Variants in ITPR3 observed in about 807,000 individuals in gnomAD.
ITPR3 encodes inositol 1,4,5-trisphosphate-gated calcium channel ITPR3.
In ITPR3, 173 loss-of-function variants were observed where a neutral mutation model predicts 293.2. That is an observed-to-expected ratio of 0.59 (90% CI 0.52 to 0.67). The LOEUF (loss-of-function observed/expected upper bound fraction) is 0.67, where lower values mean the gene tolerates loss of function less well. ITPR3 is among the 30% of genes least tolerant of loss of function. The pLI is 0.00. For synonymous variants in ITPR3, 1,295 were observed against 1,444.4 expected, an observed-to-expected ratio of 0.90 and a Z score of 2.35; for missense variants, 2,796 against 3,592.1, an observed-to-expected ratio of 0.78 and a Z score of 5.66.
chr6:33,680,991 T>C (rs1765060912), intron 33 of ITPR3, among the ~76,000 whole-genome samples: 1 of 151,996 alleles, frequency 6.6e-6, no homozygotes, highest in African/African-American at 2.4e-5. Context: ...CAGCTAATTT[T>C]TGCATTTTTA....
chr6:33,693,289 T>TC (rs2127324460), intron 55 of ITPR3, among the ~76,000 whole-genome samples: 1 of 152,314 alleles, frequency 6.6e-6, no homozygotes, highest in South Asian at 2.1e-4. Context: ...TCCCCTGAGT[T>TC]CGAGAAATTC....
In ITPR3 at chr6:33,668,626, C is replaced by T. The variant is rs755375517; in HGVS notation, c.1998C>T (p.Ile666=). Residue 666 remains isoleucine (I), a synonymous_variant, in exon 17 of 58, where the codon ATC becomes ATT. Coordinates refer to ENST00000605930, the MANE Select transcript of ITPR3 (RefSeq NM_002224.4). Reference sequence around the variant, plus strand: ...ACCCCAAGAACAGTGACATTCTCATCCGGACCGAGTGAGCCCTGTGCCCCC... The same window carrying T: ...ACCCCAAGAACAGTGACATTCTCATTCGGACCGAGTGAGCCCTGTGCCCCC... The part of the protein sequence containing the change: ...VLDPKNSDIL[I]RTELRPVKEM... 1 of 1,614,218 alleles carries T rather than the reference C, an allele frequency of 6.2e-7. No homozygotes were observed. Among genetic ancestry groups the T allele is most frequent in the South Asian group, 1.1e-5 (1 of 91,086 alleles).
rs1765181372 is a variant in ITPR3 at position 33,684,836 on chromosome 6, A to G, written c.5200A>G (p.Thr1734Ala). Residue 1734 changes from threonine to alanine, a missense_variant, in exon 39 of 58, where the codon ACC becomes GCC. Physicochemically the swap from Thr to Ala is moderately conservative, Grantham distance 58 (BLOSUM62 0). Coordinates refer to ENST00000605930, the MANE Select transcript of ITPR3 (RefSeq NM_002224.4). This position sits in a 1 kb window ranked among gnomAD's most constrained non-coding sequence, Gnocchi z 4.2. ...GTGCCGGCTGGACAAGGAGGGGGCC[A>G]CCAAGTTGGTATGCGACCTCATCAC... ...TQCRLDKEGA[T>A]KLVCDLITST... The G allele has an allele frequency of 6.2e-7, 1 of 1,613,920 alleles. No homozygotes were observed.
In ITPR3 at chr6:33,683,572, CA is replaced by C. The variant is rs1765140762; in HGVS notation, c.4788+177del. Among the ~76,000 whole-genome samples the C allele has an allele frequency of 1.3e-5, 2 of 152,160 alleles. No homozygotes were observed. Among genetic ancestry groups the C allele is most frequent in the Non-Finnish European group, 2.9e-5 (2 of 68,010 alleles). On this transcript the variant is annotated intron_variant, in intron 35 of 57. Coordinates refer to ENST00000605930, the MANE Select transcript of ITPR3 (RefSeq NM_002224.4). The surrounding 1 kb of genome is among the most constrained non-coding windows in gnomAD (Gnocchi z 4.5). Reference sequence around the variant, plus strand: ...GGGCTGCTAAGGGCCGACCCAGCAGCAAGGGACTGGGGAACCTCCTTCCAGA... The same window carrying C: ...GGGCTGCTAAGGGCCGACCCAGCAGCAGGGACTGGGGAACCTCCTTCCAGA...
rs1021122750 is a variant in ITPR3, at chr6:33,687,958, T to C, written c.6265-99T>C. On this transcript the variant is annotated intron_variant, in intron 46 of 57. Coordinates refer to ENST00000605930, the MANE Select transcript of ITPR3 (RefSeq NM_002224.4). The surrounding 1 kb of genome is among the most constrained non-coding windows in gnomAD (Gnocchi z 5.3). ...GGCTTGGCGGGGACACTCGCTGAAG[T>C]GTAGTTCAGAGCTAGGCGAAGGCCT... 7 of 913,516 alleles carry C rather than the reference T, an allele frequency of 7.7e-6. No individual in the cohort carries two copies. The African/African-American group carries it at 1.2e-4, about 15-fold the overall frequency. The allele number at this position is 913,516 out of a possible 1,614,324, so 56.6% of individuals were successfully genotyped here.
intron 2 of ITPR3, among the ~76,000 whole-genome samples, chr6:33,650,153 CCTT>C (rs1342359739): frequency 3.3e-5 from 5 of 152,218 alleles, no homozygotes; most frequent in Admixed American, 1.3e-4. Flanking sequence ...CATCCACCCT[CCTT>C]CTCTCTGCCC....
chr6:33,626,969 C>T (rs1224099388), intron 1 of ITPR3, among the ~76,000 whole-genome samples: 3 of 152,186 alleles, frequency 2.0e-5, no homozygotes, highest in Admixed American at 6.5e-5. Context: ...CCACGCCCGG[C>T]TAATTTTTTT....
Position 33,670,721 on chromosome 6 carries a change from C to T in ITPR3, c.2492C>T (p.Ala831Val). Reference sequence around the variant, plus strand: ...CGAGATGACAAGAAGAACAAGTTTGCCAACACCATGGAGTTCGTGGAGGAC... The same window carrying T: ...CGAGATGACAAGAAGAACAAGTTTGTCAACACCATGGAGTTCGTGGAGGAC... ...ASRDDKKNKF[A>V]NTMEFVEDYL... The change falls in exon 20 of 58, where the codon GCC becomes GTC. Residue 831 changes from alanine to valine, a missense_variant. Coordinates refer to ENST00000605930, the MANE Select transcript of ITPR3 (RefSeq NM_002224.4). This position sits in a 1 kb window ranked among gnomAD's most constrained non-coding sequence, Gnocchi z 6.7. 6.2e-7 allele frequency: 1 copy of T among 1,614,138 alleles called. No individual in the cohort carries two copies. Among genetic ancestry groups the T allele is most frequent in the Non-Finnish European group, 8.5e-7 (1 of 1,180,028 alleles).
At position 33,680,390 on chromosome 6, in the gene ITPR3, AGGAGATCT is replaced by A; in HGVS notation, c.4287_4294del (p.Glu1430HisfsTer10). ...TACGTGGACACGGAGGTGGAGATGA[AGGAGATCT>A]ACACCAGCAACCACATCTGGACGCT... On this transcript the variant is annotated frameshift_variant, in exon 32 of 58. Coordinates refer to ENST00000605930, the MANE Select transcript of ITPR3 (RefSeq NM_002224.4). LOFTEE classifies it high-confidence loss of function. 1 of 1,456,052 alleles carries A rather than the reference AGGAGATCT, an allele frequency of 6.9e-7. No homozygotes were observed. The highest frequency in any genetic ancestry group is 9.1e-7 in the Non-Finnish European group (1 of 1,099,608). The allele number at this position is 1,456,052 out of a possible 1,614,324, so 90.2% of individuals were successfully genotyped here. A position where few individuals can be genotyped will look rare whatever the true frequency, so the allele number is the denominator to read the frequency against.
chr6:33,659,588 C>A, intron 7 of ITPR3, 39 bp downstream of exon 7: 1 of 1,548,738 alleles, frequency 6.5e-7, no homozygotes, highest in Non-Finnish European at 8.9e-7. Context: ...AGCTGGCCAC[C>A]TAGCCCTCCC....
intron 11 of ITPR3, 40 bp downstream of exon 11, chr6:33,663,920 C>T (rs1181253906): frequency 6.2e-7 from 1 of 1,609,642 alleles, no homozygotes; most frequent in Middle Eastern, 1.7e-4. Context: ...ACTGGTGGTG[C>T]TCAGGGTGGG....
At chr6:33,686,656 G>A in intron 43 of ITPR3, 137 bp downstream of exon 43, 5 of 716,618 alleles carry the variant, frequency 7.0e-6, no homozygotes, top group South Asian at 6.4e-5. Flanking sequence ...TCATCTGGAT[G>A]CACAAGTGTG....
In ITPR3 at chr6:33,682,508, C is replaced by T; in HGVS notation, c.4477-16C>T. 6.7e-7 allele frequency: 1 copy of T among 1,502,890 alleles called. No homozygotes were observed. 93.1% of individuals were successfully genotyped at this position (1,502,890 alleles called of 1,614,324 possible). On this transcript the variant is annotated splice_polypyrimidine_tract_variant and intron_variant, in intron 33 of 57. Transcript: ENST00000605930. This position sits in a 1 kb window ranked among gnomAD's most constrained non-coding sequence, Gnocchi z 5.4. ...GGGGCCTGGGCTGCAGCAGCGGGCT[C>T]TGTGACTTCTTGCAGACACACCAGA...
intron 2 of ITPR3, among the ~76,000 whole-genome samples, chr6:33,651,425 A>T (rs1354651863): frequency 3.3e-5 from 5 of 152,092 alleles, no homozygotes; most frequent in Non-Finnish European, 5.9e-5. Context: ...GGGTTACTTG[A>T]ACCATCTGGG....
intron 33 of ITPR3, among the ~76,000 whole-genome samples, chr6:33,681,885 T>C (rs923237009): frequency 6.6e-6 from 1 of 151,734 alleles, no homozygotes; most frequent in African/African-American, 2.4e-5. Flanking sequence ...CAAAGTGTTA[T>C]GTTTTTTTTT....
Position 33,658,374 on chromosome 6 carries a change from A to G in ITPR3, c.370-296A>G, listed in dbSNP as rs527609237. Among the ~76,000 whole-genome samples, 1 of 152,302 alleles carries G rather than the reference A, an allele frequency of 6.6e-6. No homozygotes were observed. Among genetic ancestry groups the G allele is most frequent in the South Asian group, 2.1e-4 (1 of 4,830 alleles). On this transcript the variant is annotated intron_variant, in intron 4 of 57. Transcript: ENST00000605930. This position sits in a 1 kb window ranked among gnomAD's most constrained non-coding sequence, Gnocchi z 6.1. ...TCCCCATCTGTGAAATCAGGCAGTA[A>G]TAGTACTTCCCTCTTGGATCGTTGT...
chr6:33,679,221 C>A lies in ITPR3; in HGVS notation c.3972+382C>A, dbSNP rs1765000484. ...AGTGTCAGCTCCTGGGGGGCACGGG[C>A]AGGGACCCCATCCTTTGTGTGCATC... is the stretch of plus-strand genomic sequence containing the variant. On this transcript the variant is annotated intron_variant, in intron 30 of 57. Transcript: ENST00000605930. The surrounding 1 kb of genome is among the most constrained non-coding windows in gnomAD (Gnocchi z 4.2). Among the ~76,000 whole-genome samples the A allele has an allele frequency of 6.6e-6, 1 of 152,176 alleles. No homozygotes were observed.
At chr6:33,662,756 G>A in intron 8 of ITPR3, 82 bp downstream of exon 8, 2 of 1,559,160 alleles carry the variant, frequency 1.3e-6, no homozygotes, top group Non-Finnish European at 1.7e-6. Flanking sequence ...TGGAGGGTGG[G>A]ATATTGACCC....
rs529249523 is a variant in ITPR3, at chr6:33,669,052, G to A, written c.2085G>A (p.Thr695=). ...IEYSEEEVWL[T]WTDKNNEHHE... ...ACTCAGAAGAGGAAGTGTGGCTCACGTGGACTGACAAGAATAACGAGCATC... is the reference window on the plus strand; with the variant it reads ...ACTCAGAAGAGGAAGTGTGGCTCACATGGACTGACAAGAATAACGAGCATC... The change falls in exon 18 of 58, where the codon ACG becomes ACA. Residue 695 remains threonine, a synonymous_variant. Coordinates refer to ENST00000605930, the MANE Select transcript of ITPR3 (RefSeq NM_002224.4). The A allele has an allele frequency of 3.1e-6, 5 of 1,614,212 alleles. No individual in the cohort carries two copies. The highest frequency in any genetic ancestry group is 1.1e-5 in the South Asian group (1 of 91,086).
Sources: allele counts gnomAD v4.1 joint callset (sites outside exome capture counted in the v4.1 genomes callset), GRCh38; gene constraint gnomAD v4.1.1; non-coding constraint Gnocchi (gnomAD v3.1); transcripts MANE v1.5; gene names NCBI Gene and HGNC (gene_info 2026-07-23, HGNC 2026-07-21).